The following CPVL variants were observed in gnomAD, a reference collection of about 807,000 sequenced individuals.
CPVL encodes the protein probable serine carboxypeptidase CPVL.
A neutral mutation model predicts 63.7 loss-of-function variants in CPVL; 51 were observed. The ratio of observed to expected loss-of-function variants is 0.80; its 90% CI spans 0.64 to 1.01. The LOEUF is 1.01. CPVL is among the 50% of genes least tolerant of loss of function. The pLI, the probability that CPVL is intolerant of heterozygous loss-of-function variation, is 0.00. For synonymous variants in CPVL, 195 were observed against 206.0 expected (o/e 0.95, Z 0.46); for missense variants, 530 against 573.1 (o/e 0.92, Z 0.77).
intron 3 of CPVL, among the ~76,000 whole-genome samples, chr7:29,111,014 C>T (rs1043108517): frequency 6.6e-6 from 1 of 152,222 alleles, no homozygotes; most frequent in Non-Finnish European, 1.5e-5. Flanking sequence ...CCCTTAGAGC[C>T]TCCAGAAGTA....
intron 5 of CPVL, among the ~76,000 whole-genome samples, chr7:29,160,863 C>G (rs1335230085): frequency 6.6e-6 from 1 of 152,154 alleles, no homozygotes; most frequent in Non-Finnish European, 1.5e-5. Context: ...ATCATTGACA[C>G]TAGGTTGATA....
intron 7 of CPVL, among the ~76,000 whole-genome samples, chr7:29,074,560 C>G (rs1330787391): frequency 6.6e-6 from 1 of 151,956 alleles, no homozygotes; most frequent in African/African-American, 2.4e-5. Context: ...GCCTCTGTGT[C>G]CCCAACCAAA....
At chr7:29,100,158 C>T (rs912691732) in intron 3 of CPVL, among the ~76,000 whole-genome samples, 2 of 152,212 alleles carry the variant, frequency 1.3e-5, no homozygotes, top group Non-Finnish European at 2.9e-5. Context: ...AGCCCCTGCT[C>T]TTCCCAGCCT....
intron 3 of CPVL, among the ~76,000 whole-genome samples, chr7:29,184,805 A>G (rs1798512935): frequency 6.6e-6 from 1 of 152,264 alleles, no homozygotes; most frequent in Non-Finnish European, 1.5e-5. Flanking sequence ...AAGTTGACGC[A>G]TAAAATTAAG....
intron 9 of CPVL, 120 bp downstream of exon 9, chr7:29,071,653 A>G (rs1157547128): frequency 2.8e-6 from 3 of 1,090,782 alleles, no homozygotes; most frequent in Admixed American, 2.4e-5. Flanking sequence ...CTCCAATGGA[A>G]TAACAGATAT....
intron 8 of CPVL, 65 bp from the exon 9 acceptor site, chr7:29,071,969 T>G: frequency 6.3e-7 from 1 of 1,584,292 alleles, no homozygotes. Flanking sequence ...AGGAAGCCCA[T>G]TTGCTTGGTG....
intron 6 of CPVL, among the ~76,000 whole-genome samples, chr7:29,088,768 A>G (rs1785469188): frequency 1.3e-5 from 2 of 152,124 alleles, no homozygotes; most frequent in South Asian, 4.2e-4. Flanking sequence ...CGAGGTCAAG[A>G]GATTGAGACC....
intron 12 of CPVL, chr7:29,010,877 ATAT>A (rs1412988659): frequency 6.6e-6 from 1 of 152,142 alleles, no homozygotes; most frequent in African/African-American, 2.4e-5. Context: ...GTGGGTGATA[ATAT>A]TATCCCCATT....
chr7:29,139,161 G>A lies in CPVL; in HGVS notation c.-11+7268C>T, dbSNP rs535934676. On this transcript the variant is annotated intron_variant, in intron 1 of 12. Coordinates refer to ENST00000265394, the MANE Select transcript of CPVL (RefSeq NM_031311.5). ...CCTATAGTACATTACATTCTAAGAC[G>A]AGCAGGAAAGGCTCTGCCACAATTC... is the stretch of plus-strand genomic sequence containing the variant. 5.3e-5 allele frequency among the ~76,000 whole-genome samples: 8 copies of A among 152,282 alleles called. No individual in the cohort carries two copies. The South Asian group carries it at 8.3e-4, about 16-fold the overall frequency.
At chr7:29,060,859 T>C (rs532005009) in intron 11 of CPVL, among the ~76,000 whole-genome samples, 1 of 152,278 alleles carries the variant, frequency 6.6e-6, no homozygotes, top group South Asian at 2.1e-4. Flanking sequence ...TACATAAATA[T>C]GACTTTAATG....
At chr7:29,037,299 C>T (rs1020919828) in intron 11 of CPVL, among the ~76,000 whole-genome samples, 6 of 151,882 alleles carry the variant, frequency 4.0e-5, no homozygotes, top group African/African-American at 1.5e-4. Flanking sequence ...AATCCCAGCA[C>T]TTTGGGAGGC....
chr7:28,995,503 A>C lies in CPVL; in HGVS notation c.*269T>G. ...TTCCTATTCAAGACCCTAAAATTTC[A>C]TTTATACATCTTGTCTCAGTGTCAC... On this transcript the variant is annotated 3_prime_UTR_variant, in exon 13 of 13. Coordinates refer to ENST00000265394, the MANE Select transcript of CPVL (RefSeq NM_031311.5). 1 of 319,240 alleles carries C rather than the reference A, an allele frequency of 3.1e-6. No homozygotes were observed. Among genetic ancestry groups the C allele is most frequent in the Admixed American group, 5.3e-5 (1 of 18,974 alleles). The allele number at this position is 319,240 out of a possible 1,614,324, so 19.8% of individuals were successfully genotyped here. A position where few individuals can be genotyped will look rare whatever the true frequency, so the allele number is the denominator to read the frequency against.
intron 1 of CPVL, chr7:29,193,216 G>C (rs1328136434): frequency 6.6e-6 from 1 of 152,054 alleles, no homozygotes; most frequent in Non-Finnish European, 1.5e-5. Flanking sequence ...TTTAAAAAAT[G>C]GACCTTAATG....
At chr7:29,092,034 A>C (rs1273787330) in intron 6 of CPVL, among the ~76,000 whole-genome samples, 1 of 152,108 alleles carries the variant, frequency 6.6e-6, no homozygotes, top group Non-Finnish European at 1.5e-5. Context: ...TCTAGTAATA[A>C]TTTGTAGACT....
At position 29,088,459 on chromosome 7, in the gene CPVL, C is replaced by CTG. The variant is rs1306632662; in HGVS notation, c.543-1910_543-1909insCA. ...TTTTATTTCACAGCCAAAAAACTGG[C>CTG]TATTTTTTTTTAAGCAAGCACTTAG... On this transcript the variant is annotated intron_variant, in intron 6 of 12. Coordinates refer to ENST00000265394, the MANE Select transcript of CPVL (RefSeq NM_031311.5). Among the ~76,000 whole-genome samples, 4 of 135,920 alleles carry CTG rather than the reference C, an allele frequency of 2.9e-5. No homozygotes were observed. In the South Asian group the frequency reaches 1.0e-3, roughly 35 times the overall value. The allele number at this position is 135,920 out of a possible 152,430, so 89.2% of individuals were successfully genotyped here. A position where few individuals can be genotyped will look rare whatever the true frequency, so the allele number is the denominator to read the frequency against.
intron 5 of CPVL, among the ~76,000 whole-genome samples, chr7:29,175,531 T>C: frequency 6.6e-6 from 1 of 152,102 alleles, no homozygotes; most frequent in Non-Finnish European, 1.5e-5. Flanking sequence ...CATACTCTCT[T>C]GCCTGCCGCC....
intron 2 of CPVL, among the ~76,000 whole-genome samples, chr7:29,119,249 G>A (rs1279786715): frequency 6.6e-6 from 1 of 152,218 alleles, no homozygotes; most frequent in Non-Finnish European, 1.5e-5. Context: ...CACTTTGGGA[G>A]GCCAAGGCAG....
intron 1 of CPVL, among the ~76,000 whole-genome samples, chr7:29,187,499 G>A (rs1308300329): frequency 2.0e-5 from 3 of 152,000 alleles, no homozygotes; most frequent in African/African-American, 7.3e-5. Context: ...CGAGGTGGGC[G>A]GATCACCTGA....
chr7:29,086,344 T>C, intron 7 of CPVL, 140 bp downstream of exon 7: 1 of 520,202 alleles, frequency 1.9e-6, no homozygotes, highest in African/African-American at 2.0e-5. Flanking sequence ...GGGAGAATTT[T>C]GAATAAAGGC....
Sources: allele counts gnomAD v4.1 joint callset (sites outside exome capture counted in the v4.1 genomes callset), GRCh38; gene constraint gnomAD v4.1.1; transcripts MANE v1.5; gene names NCBI Gene and HGNC (gene_info 2026-07-23, HGNC 2026-07-21).